RAP1B: variants seen among roughly 807,000 people sequenced by gnomAD.
RAP1B encodes RAP1B, member of RAS oncogene family, also known as ras-related protein Rap-1b.
In RAP1B, 1 loss-of-function variant was observed where a neutral mutation model predicts 27.5. The observed-to-expected ratio is 0.04, with a 90% CI of 0.01 to 0.17. RAP1B has a LOEUF of 0.17. Among genes scored for constraint, RAP1B ranks in the 10% least tolerant of loss-of-function variants. The pLI, the probability that RAP1B is intolerant of heterozygous loss-of-function variation, is 1.00. For missense variants in RAP1B, 84 were observed against 214.8 expected, an observed-to-expected ratio of 0.39 and a Z score of 3.81; for synonymous variants, 75 against 73.1, an observed-to-expected ratio of 1.03 and a Z score of -0.13.
At chr12:68,636,602 A>ATT (rs1219873595) in intron 1 of RAP1B, among the ~76,000 whole-genome samples, 8 of 151,536 alleles carry the variant, frequency 5.3e-5, no homozygotes, top group African/African-American at 1.9e-4. Context: ...TACTTTATAA[A>ATT]TTTTTTGTAG....
At chr12:68,647,393 C>A (rs1592458690) in intron 1 of RAP1B, among the ~76,000 whole-genome samples, 2 of 53,446 alleles carry the variant, frequency 3.7e-5, no homozygotes, top group South Asian at 7.9e-4. Flanking sequence ...CCCCGCCCCC[C>A]CCCCCCCCCC....
intron 1 of RAP1B, among the ~76,000 whole-genome samples, chr12:68,613,567 A>C (rs535876858): frequency 6.6e-6 from 1 of 152,244 alleles, no homozygotes; most frequent in South Asian, 2.1e-4. Flanking sequence ...TCCAACCACA[A>C]GATATATATT....
rs1362464489 is a variant in RAP1B, at chr12:68,660,867, A to G, written c.*1618A>G. The G allele has an allele frequency of 2.0e-5, 3 of 152,218 alleles. No homozygotes were observed. Among genetic ancestry groups the G allele is most frequent in the African/African-American group, 4.8e-5 (2 of 41,458 alleles). 9.4% of individuals were successfully genotyped at this position (152,218 alleles called of 1,614,324 possible). On this transcript the variant is annotated 3_prime_UTR_variant, in exon 8 of 8. Transcript: ENST00000250559. ...AACATACTTTCATGGATGTTACACT[A>G]TGGATTTTTTAAAATACAGGATTGA...
rs1874481622 is a variant in RAP1B at position 68,659,568 on chromosome 12, C to CT, written c.*322dup. 4.2e-6 allele frequency: 1 copy of CT among 240,056 alleles called. No individual in the cohort carries two copies. The highest frequency in any genetic ancestry group is 8.4e-6 in the Non-Finnish European group (1 of 118,410). 14.9% of individuals were successfully genotyped at this position (240,056 alleles called of 1,614,324 possible). A position where few individuals can be genotyped will look rare whatever the true frequency, so the allele number is the denominator to read the frequency against. ...ATGTATGAAAATGGTGTACTGTATA[C>CT]TTTAACATGCCCCATACTTTGTATT... On this transcript the variant is annotated 3_prime_UTR_variant, in exon 8 of 8. Transcript: ENST00000250559.
intron 1 of RAP1B, among the ~76,000 whole-genome samples, chr12:68,632,160 T>TTTTTC (rs150063055): frequency 2.1e-5 from 3 of 144,726 alleles, no homozygotes; most frequent in African/African-American, 5.4e-5. Flanking sequence ...GTTTTTTTTT[T>TTTTTC]CCAGACTGTT....
At chr12:68,613,321 GCGGAGGGTGCAGTGAGC>G (rs1208677435) in intron 1 of RAP1B, among the ~76,000 whole-genome samples, 1 of 151,378 alleles carries the variant, frequency 6.6e-6, no homozygotes, top group Non-Finnish European at 1.5e-5. Context: ...AACCTGGGAG[GCGGAGGGTGCAGTGAGC>G]CGAGACTGCA....
intron 1 of RAP1B, among the ~76,000 whole-genome samples, chr12:68,632,138 TTTTTTTTGTTTG>T (rs1457667021): frequency 3.4e-4 from 46 of 134,438 alleles, no homozygotes; most frequent in African/African-American, 1.5e-3. Flanking sequence ...TGTTTTTTTT[TTTTTTTTGTTTG>T]TTTTTTTTTT....
intron 2 of RAP1B, 104 bp from the exon 3 acceptor site, chr12:68,650,296 C>G: frequency 3.0e-5 from 29 of 962,766 alleles, no homozygotes; most frequent in South Asian, 2.1e-5. Context: ...TTTTTTTTTT[C>G]ATTGATGGTG....
rs1874671123 is a variant in RAP1B, at chr12:68,662,772, T to A, written c.*3523T>A. 6.8e-6 allele frequency: 1 copy of A among 147,048 alleles called. No individual in the cohort carries two copies. Among genetic ancestry groups the A allele is most frequent in the African/African-American group, 2.4e-5 (1 of 40,944 alleles). 9.1% of individuals were successfully genotyped at this position (147,048 alleles called of 1,614,324 possible). A position where few individuals can be genotyped will look rare whatever the true frequency, so the allele number is the denominator to read the frequency against. On this transcript the variant is annotated 3_prime_UTR_variant, in exon 8 of 8. Coordinates refer to ENST00000250559, the MANE Select transcript of RAP1B (RefSeq NM_001010942.3). ...AACATTGTGATTTGTAAGACTAAAA[T>A]TTTTTTTTCAAACAAAACAAATCTG...
In RAP1B at chr12:68,662,646, G is replaced by A. The variant is rs1874664438; in HGVS notation, c.*3397G>A. ...CTATCTCTTCTTAAATCTTGGAAAT[G>A]TAAAAGGGAGTTATAGTGTTTTACA... On this transcript the variant is annotated 3_prime_UTR_variant, in exon 8 of 8. Transcript: ENST00000250559. The A allele has an allele frequency of 6.6e-6, 1 of 152,022 alleles. No homozygotes were observed. The highest frequency in any genetic ancestry group is 2.4e-5 in the African/African-American group (1 of 41,394). The allele number at this position is 152,022 out of a possible 1,614,324, so 9.4% of individuals were successfully genotyped here.
At chr12:68,646,075 T>G (rs1466410311) in intron 1 of RAP1B, among the ~76,000 whole-genome samples, 1 of 151,922 alleles carries the variant, frequency 6.6e-6, no homozygotes, top group Non-Finnish European at 1.5e-5. Flanking sequence ...GGAAAAAGAG[T>G]CCCAGTCACC....
Position 68,652,011 on chromosome 12 carries a change from C to T in RAP1B, c.143C>T (p.Ala48Val), listed in dbSNP as rs1414541925. 1 of 1,612,598 alleles carries T rather than the reference C, an allele frequency of 6.2e-7. No homozygotes were observed. The highest frequency in any genetic ancestry group is 8.5e-7 in the Non-Finnish European group (1 of 1,178,964). Residue 48 changes from alanine to valine, a missense_variant, in exon 4 of 8, where the codon GCA becomes GTA. By Grantham distance (64) the Ala-to-Val change is moderately conservative. Coordinates refer to ENST00000250559, the MANE Select transcript of RAP1B (RefSeq NM_001010942.3). ...DSYRKQVEVDAQQCMLEILDT... is the reference protein window; with the variant it reads ...DSYRKQVEVDVQQCMLEILDT... ...TTCTACCAGCAAGTTGAAGTAGATGCACAACAGTGTATGCTTGAAATCTTG... is the reference window on the plus strand; with the variant it reads ...TTCTACCAGCAAGTTGAAGTAGATGTACAACAGTGTATGCTTGAAATCTTG...
In RAP1B at chr12:68,661,789, A is replaced by G. The variant is rs890615196; in HGVS notation, c.*2540A>G. 2.0e-5 allele frequency: 3 copies of G among 152,044 alleles called. No homozygotes were observed. The highest frequency in any genetic ancestry group is 4.4e-5 in the Non-Finnish European group (3 of 68,010). 9.4% of individuals were successfully genotyped at this position (152,044 alleles called of 1,614,324 possible). ...CTGCTCTGGTGGGAAACAACACATTAGTTACAGATGAGTGTTAGGGTTACA... is the reference window on the plus strand; with the variant it reads ...CTGCTCTGGTGGGAAACAACACATTGGTTACAGATGAGTGTTAGGGTTACA... On this transcript the variant is annotated 3_prime_UTR_variant, in exon 8 of 8. Coordinates refer to ENST00000250559, the MANE Select transcript of RAP1B (RefSeq NM_001010942.3).
At chr12:68,657,470 T>A (rs572177354) in intron 7 of RAP1B, 10 of 226,858 alleles carry the variant, frequency 4.4e-5, no homozygotes, top group Non-Finnish European at 8.6e-5. Context: ...AGTGGCGCAA[T>A]ATCAGCTCCC....
At chr12:68,646,033 T>G (rs142908716) in intron 1 of RAP1B, among the ~76,000 whole-genome samples, 100 of 152,272 alleles carry the variant, frequency 6.6e-4, no homozygotes, top group Admixed American at 1.4e-3. Flanking sequence ...CAACAAATAA[T>G]AATGCTCATT....
intron 7 of RAP1B, 137 bp from the exon 8 acceptor site, chr12:68,659,143 C>T (rs998188369): frequency 5.3e-6 from 2 of 380,444 alleles, no homozygotes; most frequent in African/African-American, 2.1e-5. Flanking sequence ...GGTATGTTGC[C>T]ACTAATGTAA....
intron 5 of RAP1B, among the ~76,000 whole-genome samples, chr12:68,656,071 T>G (rs1268929141): frequency 1.3e-5 from 2 of 152,242 alleles, no homozygotes; most frequent in Non-Finnish European, 2.9e-5. Context: ...CCTTTGGAGT[T>G]ATCGTTTGCA....
At chr12:68,617,852 C>G (rs1372044201) in intron 1 of RAP1B, among the ~76,000 whole-genome samples, 1 of 151,976 alleles carries the variant, frequency 6.6e-6, no homozygotes, top group Non-Finnish European at 1.5e-5. Flanking sequence ...CAGCTTCAAC[C>G]TCCCAGATTC....
intron 1 of RAP1B, among the ~76,000 whole-genome samples, chr12:68,630,672 TG>T: frequency 6.6e-6 from 1 of 152,200 alleles, no homozygotes; most frequent in Middle Eastern, 3.4e-3. Context: ...GGGTCTTTTT[TG>T]TTTTTGTTTT....
Sources: gnomAD v4.1 joint callset for allele counts (sites outside exome capture counted in the v4.1 genomes callset) on GRCh38, gnomAD v4.1.1 for gene constraint, MANE v1.5 for transcripts, NCBI Gene and HGNC (gene_info 2026-07-23, HGNC 2026-07-21) for gene names.